DCBLD2: variants seen among roughly 807,000 people sequenced by gnomAD.
The protein encoded by DCBLD2 is discoidin, CUB and LCCL domain containing 2, also known as discoidin, CUB and LCCL domain-containing protein 2.
DCBLD2 carries 54 observed loss-of-function variants against 86.8 expected under a neutral mutation model. The observed-to-expected ratio is 0.62, with a 90% CI of 0.50 to 0.78. DCBLD2 has a LOEUF of 0.78. Ranked by LOEUF, DCBLD2 falls within the 30% of genes least tolerant of loss-of-function variation. DCBLD2 has a pLI of 0.00. For synonymous variants in DCBLD2, 354 were observed against 341.3 expected (o/e 1.04, Z -0.41); for missense variants, 908 against 954.2 (o/e 0.95, Z 0.64).
chr3:98,843,479 G>A (rs777556428), intron 3 of DCBLD2, among the ~76,000 whole-genome samples: 6 of 152,074 alleles, frequency 3.9e-5, no homozygotes, highest in Non-Finnish European at 8.8e-5. Flanking sequence ...TATTTTCAAA[G>A]CCGAAAACAT....
chr3:98,851,425 C>T (rs1942834406), intron 2 of DCBLD2, among the ~76,000 whole-genome samples: 1 of 152,142 alleles, frequency 6.6e-6, no homozygotes, highest in Admixed American at 6.5e-5. Flanking sequence ...CAAAGCACTG[C>T]TCAAGGAAAT....
chr3:98,820,341 C>A, intron 6 of DCBLD2, 53 bp from the exon 7 acceptor site: 1 of 1,280,428 alleles, frequency 7.8e-7, no homozygotes, highest in South Asian at 2.3e-5. Flanking sequence ...CATGATGCCC[C>A]ATATTTAGTG....
chr3:98,901,129 G>A lies in DCBLD2; in HGVS notation c.198C>T (p.Ala66=). ...VLLLLLEDAG[A]QQGDGCGHTV... ...TCCCCTGGGACCACTCACCTTGCTG[G>A]GCTCCAGCGTCCTCGAGCAGCAGGA... is the stretch of plus-strand genomic sequence containing the variant. Residue 66 remains alanine (A), a synonymous_variant, in exon 1 of 16, where the codon GCC becomes GCT. Coordinates refer to ENST00000326840, the MANE Select transcript of DCBLD2 (RefSeq NM_080927.4). 6.5e-7 allele frequency: 1 copy of A among 1,539,696 alleles called. No individual in the cohort carries two copies. The highest frequency in any genetic ancestry group is 8.7e-7 in the Non-Finnish European group (1 of 1,146,772).
chr3:98,859,107 G>A (rs369072546), intron 2 of DCBLD2, among the ~76,000 whole-genome samples: 5 of 152,160 alleles, frequency 3.3e-5, no homozygotes, highest in South Asian at 2.1e-4. Flanking sequence ...AGGGTCCTAC[G>A]CCAACGGAGG....
At chr3:98,841,480 C>A (rs921070858) in intron 3 of DCBLD2, among the ~76,000 whole-genome samples, 1 of 152,044 alleles carries the variant, frequency 6.6e-6, no homozygotes, top group Non-Finnish European at 1.5e-5. Context: ...ATATATAATA[C>A]CATGAAAATA....
intron 13 of DCBLD2, among the ~76,000 whole-genome samples, chr3:98,802,451 T>C (rs886835417): frequency 9.2e-5 from 14 of 152,324 alleles, no homozygotes; most frequent in African/African-American, 3.4e-4. Context: ...ATTCTGGATA[T>C]TAGCCCTTTG....
At position 98,796,273 on chromosome 3, in the gene DCBLD2, AAAAC is replaced by A. The variant is rs1287026509; in HGVS notation, c.*3095_*3098del. On this transcript the variant is annotated 3_prime_UTR_variant, in exon 16 of 16. Coordinates refer to ENST00000326840, the MANE Select transcript of DCBLD2 (RefSeq NM_080927.4). ...ACACAAAAACAAAACAAAACAAAAA[AAAAC>A]AGTCACAAGTTGGATTACATTAGAA... The A allele has an allele frequency of 6.6e-6, 1 of 152,600 alleles. No homozygotes were observed. The highest frequency in any genetic ancestry group is 2.4e-5 in the African/African-American group (1 of 41,436). 9.5% of individuals were successfully genotyped at this position (152,600 alleles called of 1,614,324 possible). A position where few individuals can be genotyped will look rare whatever the true frequency, so the allele number is the denominator to read the frequency against.
intron 2 of DCBLD2, among the ~76,000 whole-genome samples, chr3:98,860,404 C>T (rs542976240): frequency 1.3e-5 from 2 of 152,208 alleles, no homozygotes; most frequent in South Asian, 4.1e-4. Context: ...AGAAGAGCAA[C>T]TTCATGACAC....
intron 1 of DCBLD2, chr3:98,900,728 T>C (rs1336169111): frequency 2.3e-5 from 5 of 218,882 alleles, no homozygotes; most frequent in Admixed American, 1.6e-4. Context: ...TTACCTTTAA[T>C]AGGCTTAAGA....
At chr3:98,800,769 A>C (rs775374981) in intron 14 of DCBLD2, 53 bp from the exon 15 acceptor site, 3 of 1,612,004 alleles carry the variant, frequency 1.9e-6, no homozygotes. Flanking sequence ...CTGTATCTCA[A>C]ACAGTAGTAT....
At chr3:98,822,782 T>C (rs748094550) in intron 4 of DCBLD2, 41 bp from the exon 5 acceptor site, 1 of 1,520,208 alleles carries the variant, frequency 6.6e-7, no homozygotes. Flanking sequence ...TAATGCTGTA[T>C]TTTACAGGGA....
chr3:98,860,915 A>G (rs530499541), intron 2 of DCBLD2, among the ~76,000 whole-genome samples: 29 of 152,372 alleles, frequency 1.9e-4, no homozygotes, highest in Admixed American at 1.7e-3. Flanking sequence ...CTCCAATTAA[A>G]AGACATAGAC....
chr3:98,799,763 T>G lies in DCBLD2; in HGVS notation c.1937A>C (p.Glu646Ala). The change falls in exon 16 of 16, where the codon GAA becomes GCA. Residue 646 changes from glutamate to alanine, a missense_variant. By Grantham distance (107) the Glu-to-Ala change is moderately radical (BLOSUM62 -1). Around this residue, in one of 3 missense-constraint regions of DCBLD2, gnomAD observed 606 missense variants for 678.5 expected, o/e 0.89. Transcript: ENST00000326840. ...RSTFKPEEGKEAGYADLDPYN... is the reference protein window; with the variant it reads ...RSTFKPEEGKAAGYADLDPYN... ...AGGATCTAGGTCTGCATAGCCTGCT[T>G]CTTTTCCTTCTTCTGGTTTAAAGGT... 1 of 1,613,954 alleles carries G rather than the reference T, an allele frequency of 6.2e-7. No homozygotes were observed.
At chr3:98,814,742 A>C (rs887493760) in intron 9 of DCBLD2, 15 of 152,360 alleles carry the variant, frequency 9.8e-5, no homozygotes, top group African/African-American at 3.6e-4. Context: ...GAGGGAGCAG[A>C]TGGACTTACA....
At chr3:98,840,027 A>C (rs1172900257) in intron 3 of DCBLD2, among the ~76,000 whole-genome samples, 2 of 152,186 alleles carry the variant, frequency 1.3e-5, no homozygotes, top group African/African-American at 2.4e-5. Flanking sequence ...TAGACAAGTA[A>C]AAGATGAAGT....
chr3:98,863,379 G>T (rs1188391527), intron 2 of DCBLD2, among the ~76,000 whole-genome samples: 1 of 151,988 alleles, frequency 6.6e-6, no homozygotes, highest in Admixed American at 6.6e-5. Context: ...AGTTCATATG[G>T]AACCAAAAAA....
At chr3:98,823,222 T>C (rs113659032) in intron 4 of DCBLD2, among the ~76,000 whole-genome samples, 19 of 152,286 alleles carry the variant, frequency 1.2e-4, no homozygotes, top group Middle Eastern at 3.4e-3. Flanking sequence ...CATCCATATA[T>C]ATATAATATG....
chr3:98,876,412 T>TAAAAAAAAAAAAAAAAAA (rs60681986), intron 2 of DCBLD2, among the ~76,000 whole-genome samples: 8 of 47,532 alleles, frequency 1.7e-4, no homozygotes, highest in African/African-American at 6.4e-4. Context: ...AGATAAAAAG[T>TAAAAAAAAAAAAAAAAAA]AAAAAAAAAA....
intron 1 of DCBLD2, among the ~76,000 whole-genome samples, chr3:98,897,833 A>G (rs1175589783): frequency 1.3e-5 from 2 of 152,140 alleles, no homozygotes; most frequent in African/African-American, 2.4e-5. Flanking sequence ...TAACCAAGAA[A>G]GTAGGCAAGC....
Sources: gnomAD v4.1 joint callset for allele counts (sites outside exome capture counted in the v4.1 genomes callset) on GRCh38, gnomAD v4.1.1 for gene constraint, gnomAD v4.1.1 regional missense constraint, MANE v1.5 for transcripts, NCBI Gene and HGNC (gene_info 2026-07-23, HGNC 2026-07-21) for gene names.